NCOA1: variants seen among roughly 807,000 people sequenced by gnomAD.
NCOA1 encodes the protein nuclear receptor coactivator 1, also known as Hin-2 protein.
Under a neutral mutation model 150.9 loss-of-function variants are expected in NCOA1, and 35 were observed. The ratio of observed to expected loss-of-function variants is 0.23; its 90% confidence interval spans 0.18 to 0.31. The LOEUF (loss-of-function observed/expected upper bound fraction) is 0.31. Among genes scored for constraint, NCOA1 ranks in the 10% least tolerant of loss-of-function variants. NCOA1 has a pLI of 1.00. For missense variants in NCOA1, 1,491 were observed against 1,749.3 expected (o/e 0.85, Z 2.63); for synonymous variants, 590 against 630.0 (o/e 0.94, Z 0.95).
At chr2:24,533,612 A>G (rs919066274) in intron 1 of NCOA1, among the ~76,000 whole-genome samples, 3 of 152,114 alleles carry the variant, frequency 2.0e-5, no homozygotes, top group African/African-American at 7.2e-5. Flanking sequence ...TTATTTTGAG[A>G]TATGTTCCAT....
In NCOA1 at chr2:24,685,038, A is replaced by C. The variant is rs1365465638; in HGVS notation, c.532+1910A>C. Among the ~76,000 whole-genome samples, 7 of 152,020 alleles carry C rather than the reference A, an allele frequency of 4.6e-5. No homozygotes were observed. The East Asian group carries it at 1.3e-3, about 29-fold the overall frequency. ...TTATCAACCACTGGGGAAAAAAATCAAATCAAGATTCAGAACCTATCAAGA... is the reference window on the plus strand; with the variant it reads ...TTATCAACCACTGGGGAAAAAAATCCAATCAAGATTCAGAACCTATCAAGA... On this transcript the variant is annotated intron_variant, in intron 8 of 22. Coordinates refer to ENST00000348332, the MANE Select transcript of NCOA1 (RefSeq NM_003743.5).
At chr2:24,651,318 C>G (rs1433679691) in intron 4 of NCOA1, among the ~76,000 whole-genome samples, 2 of 151,650 alleles carry the variant, frequency 1.3e-5, no homozygotes, top group African/African-American at 2.4e-5. Flanking sequence ...GCTCAGTGGA[C>G]AAATAGATAA....
chr2:24,715,884 T>C (rs1307515205), intron 14 of NCOA1, among the ~76,000 whole-genome samples: 2 of 152,182 alleles, frequency 1.3e-5, no homozygotes, highest in African/African-American at 4.8e-5. Flanking sequence ...GGCTCACGCC[T>C]GTAATCCCAG....
At chr2:24,592,578 A>ATTT (rs145333073) in intron 3 of NCOA1, among the ~76,000 whole-genome samples, 13 of 103,462 alleles carry the variant, frequency 1.3e-4, no homozygotes, top group African/African-American at 4.4e-4. Flanking sequence ...TCCCCTCCTA[A>ATTT]TTTTTTTTTT....
chr2:24,599,829 T>TGCTCACTGCAA, intron 3 of NCOA1, among the ~76,000 whole-genome samples: 1 of 151,104 alleles, frequency 6.6e-6, no homozygotes, highest in East Asian at 2.0e-4. Flanking sequence ...CCTCCTGTTT[T>TGCTCACTGCAA]AAGCGATTCT....
intron 21 of NCOA1, among the ~76,000 whole-genome samples, chr2:24,758,463 T>C (rs1664610980): frequency 6.6e-6 from 1 of 151,570 alleles, no homozygotes; most frequent in Non-Finnish European, 1.5e-5. Context: ...CCTAAGTAGC[T>C]GGGACTGCAA....
chr2:24,513,674 T>A (rs2148113779), intron 1 of NCOA1, among the ~76,000 whole-genome samples: 1 of 152,338 alleles, frequency 6.6e-6, no homozygotes, highest in Non-Finnish European at 1.5e-5. Context: ...ATCTTCAACT[T>A]TGGAGAATAA....
Position 24,693,299 on chromosome 2 carries a change from C to G in NCOA1, c.760C>G (p.Pro254Ala). ...TATTGCACGGCGATTACCTCGGCCT[C>G]CAGCTATTACGGGTGTAGAATCCTT... ...ICIARRLPRP[P>A]AITGVESFMT... is the part of the protein sequence containing the mutation. The change falls in exon 10 of 23, where the codon CCA (proline) becomes GCA (alanine). Residue 254 changes from proline (P) to alanine (A), a missense_variant. Physicochemically the swap from Pro to Ala is conservative, Grantham distance 27. Coordinates refer to ENST00000348332, the MANE Select transcript of NCOA1 (RefSeq NM_003743.5). 1 of 1,614,182 alleles carries G rather than the reference C, an allele frequency of 6.2e-7. No individual in the cohort carries two copies.
chr2:24,704,995 A>G (rs1293353119), intron 11 of NCOA1, 91 bp from the exon 12 acceptor site: 4 of 1,379,670 alleles, frequency 2.9e-6, no homozygotes, highest in African/African-American at 2.9e-5. Flanking sequence ...GGCCTTTAAA[A>G]TGAGGTTCTA....
chr2:24,588,192 T>C (rs1373904857), intron 3 of NCOA1, among the ~76,000 whole-genome samples: 1 of 151,778 alleles, frequency 6.6e-6, no homozygotes, highest in Admixed American at 6.6e-5. Flanking sequence ...TCTAGGAAAC[T>C]TTCCACCTCA....
intron 3 of NCOA1, among the ~76,000 whole-genome samples, chr2:24,596,065 A>T (rs1362423659): frequency 1.3e-5 from 2 of 152,090 alleles, no homozygotes; most frequent in African/African-American, 2.4e-5. Flanking sequence ...TTTAACAAAG[A>T]TTTATTGTGT....
intron 1 of NCOA1, among the ~76,000 whole-genome samples, chr2:24,518,120 T>C (rs950888939): frequency 1.3e-5 from 2 of 152,134 alleles, no homozygotes; most frequent in African/African-American, 4.8e-5. Context: ...TCCAATAATA[T>C]ATAAAAAGTA....
intron 3 of NCOA1, among the ~76,000 whole-genome samples, chr2:24,598,699 ACTTCTAGGAG>A (rs1667983713): frequency 6.6e-6 from 1 of 152,080 alleles, no homozygotes; most frequent in Non-Finnish European, 1.5e-5. Flanking sequence ...AAAACAAAAA[ACTTCTAGGAG>A]TTAATTAGGA....
chr2:24,506,930 G>A (rs1663720875), intron 1 of NCOA1, among the ~76,000 whole-genome samples: 1 of 152,134 alleles, frequency 6.6e-6, no homozygotes, highest in Non-Finnish European at 1.5e-5. Context: ...TTGGTGTAAT[G>A]CAATAAACAT....
chr2:24,742,558 G>A (rs1487012795), intron 19 of NCOA1, among the ~76,000 whole-genome samples: 1 of 151,754 alleles, frequency 6.6e-6, no homozygotes, highest in Non-Finnish European at 1.5e-5. Context: ...CTGGGCTTAA[G>A]CGATTCTCCT....
intron 1 of NCOA1, among the ~76,000 whole-genome samples, chr2:24,519,651 A>C (rs1337614409): frequency 7.5e-6 from 1 of 134,094 alleles, no homozygotes; most frequent in Non-Finnish European, 1.7e-5. Flanking sequence ...CCCTGTCTCT[A>C]CAAAAAAAAA....
At chr2:24,753,744 T>G (rs1341057902) in intron 20 of NCOA1, among the ~76,000 whole-genome samples, 1 of 152,186 alleles carries the variant, frequency 6.6e-6, no homozygotes, top group African/African-American at 2.4e-5. Flanking sequence ...GAGGTGATTC[T>G]AGGACCTCTT....
chr2:24,525,234 A>ATT (rs1474170996), intron 1 of NCOA1, among the ~76,000 whole-genome samples: 1 of 152,218 alleles, frequency 6.6e-6, no homozygotes, highest in Non-Finnish European at 1.5e-5. Context: ...CTCTGAACTC[A>ATT]TTCATTCTTC....
chr2:24,566,003 G>C (rs11895239), intron 2 of NCOA1, among the ~76,000 whole-genome samples: 3,222 of 152,298 alleles, frequency 0.021, 123 homozygotes, highest in African/African-American at 0.072. Flanking sequence ...GAAGGCTGCA[G>C]CTCTTCTCTC....
Sources: allele counts gnomAD v4.1 joint callset (sites outside exome capture counted in the v4.1 genomes callset), GRCh38; gene constraint gnomAD v4.1.1; transcripts MANE v1.5; gene names NCBI Gene and HGNC (gene_info 2026-07-23, HGNC 2026-07-21).